The following RDH13 variants were observed in gnomAD, a reference collection of about 807,000 sequenced individuals.
RDH13 encodes retinol dehydrogenase 13, also known as retinol dehydrogenase 13 (all-trans and 9-cis).
In RDH13, 35 loss-of-function variants were observed where a neutral mutation model predicts 28.3. That is an observed-to-expected ratio of 1.24 (90% CI 0.95 to 1.64). The LOEUF (loss-of-function observed/expected upper bound fraction) is 1.64. RDH13 is among the 40% of genes most tolerant of loss of function. The pLI, the probability that RDH13 is intolerant of heterozygous loss-of-function variation, is 0.00. For missense variants in RDH13, 514 were observed against 446.3 expected, an observed-to-expected ratio of 1.15 and a Z score of -1.37; for synonymous variants, 229 against 198.5, an observed-to-expected ratio of 1.15 and a Z score of -1.29.
chr19:55,042,485 T>G (rs540676873), downstream of RDH13: 10 of 152,246 alleles, frequency 6.6e-5, no homozygotes, highest in East Asian at 1.7e-3. Context: ...TTACCACAAT[T>G]TAAAAAAGGA....
downstream of RDH13, chr19:55,042,155 AAAAAAGG>A (rs1283541530): frequency 6.6e-6 from 1 of 151,778 alleles, no homozygotes; most frequent in Admixed American, 6.6e-5. Flanking sequence ...AAAAAAAAAA[AAAAAAGG>A]AAAGCTGGCT....
At chr19:55,053,471 C>T (rs1433367536) in intron 3 of RDH13, among the ~76,000 whole-genome samples, 2 of 151,582 alleles carry the variant, frequency 1.3e-5, no homozygotes, top group Admixed American at 6.6e-5. Context: ...CTGGCTAACA[C>T]GGTGAAACCC....
At chr19:55,049,680 T>G (rs1297308711) in intron 3 of RDH13, among the ~76,000 whole-genome samples, 3 of 151,238 alleles carry the variant, frequency 2.0e-5, no homozygotes, top group African/African-American at 4.9e-5. Flanking sequence ...TCCCAGCTAC[T>G]CAGGAGGCTG....
chr19:55,068,002 A>T (rs1380671981), upstream of RDH13, among the ~76,000 whole-genome samples: 1 of 123,988 alleles, frequency 8.1e-6, no homozygotes, highest in Admixed American at 9.3e-5. Context: ...TATCTCTCTC[A>T]TTGCTCTCTC....
intron 5 of RDH13, chr19:55,048,073 T>G (rs1322089318): frequency 3.4e-6 from 5 of 1,489,592 alleles, no homozygotes; most frequent in Non-Finnish European, 4.5e-6. Flanking sequence ...CTGAGCTGCC[T>G]GCCCAACAGC....
In RDH13 at chr19:55,060,726, CAG is replaced by C. The variant is rs543075323; in HGVS notation, c.66-1453_66-1452del. ...GTGCACACCTGTAATCTCAGCTACTCAGGGGGCTGAGGCACGAGAATTGCTTG... is the reference window on the plus strand; with the variant it reads ...GTGCACACCTGTAATCTCAGCTACTCGGGGCTGAGGCACGAGAATTGCTTG... On this transcript the variant is annotated intron_variant, in intron 1 of 6. Coordinates refer to ENST00000415061, the MANE Select transcript of RDH13 (RefSeq NM_001145971.2). Among the ~76,000 whole-genome samples the C allele has an allele frequency of 7.4e-4, 112 of 152,240 alleles. No individual in the cohort carries two copies. In the South Asian group the frequency reaches 0.023, roughly 31 times the overall value.
intron 3 of RDH13, among the ~76,000 whole-genome samples, chr19:55,055,037 T>C (rs552514395): frequency 6.6e-6 from 1 of 152,222 alleles, no homozygotes; most frequent in African/African-American, 2.4e-5. Context: ...AGCTAGAGGA[T>C]GGTCCCAGTT....
chr19:55,058,577 C>G (rs1435530277), intron 2 of RDH13, among the ~76,000 whole-genome samples: 2 of 152,114 alleles, frequency 1.3e-5, no homozygotes, highest in African/African-American at 4.8e-5. Context: ...CTGTAGGTAG[C>G]TCCTGTAAGT....
chr19:55,053,763 G>A (rs538730410), intron 3 of RDH13: 1 of 152,262 alleles, frequency 6.6e-6, no homozygotes, highest in Admixed American at 6.5e-5. Context: ...CTGCCCAGGT[G>A]TGTCCAGCCG....
intron 1 of RDH13, among the ~76,000 whole-genome samples, chr19:55,061,111 CCTTT>C (rs2075795534): frequency 6.6e-6 from 1 of 151,690 alleles, no homozygotes; most frequent in African/African-American, 2.4e-5. Flanking sequence ...TGGAACCTCT[CCTTT>C]ATTTATTTAT....
intron 3 of RDH13, among the ~76,000 whole-genome samples, chr19:55,055,742 AC>A (rs1244069975): frequency 6.6e-6 from 1 of 152,040 alleles, no homozygotes; most frequent in Non-Finnish European, 1.5e-5. Flanking sequence ...ACTCCCAGCT[AC>A]TTGGGAGGCT....
At chr19:55,051,435 T>C (rs1244899162) in intron 3 of RDH13, among the ~76,000 whole-genome samples, 2 of 151,986 alleles carry the variant, frequency 1.3e-5, no homozygotes, top group Non-Finnish European at 2.9e-5. Flanking sequence ...TTTTTCTTTT[T>C]TTTTTTGAGA....
intron 2 of RDH13, among the ~76,000 whole-genome samples, chr19:55,058,079 T>G (rs1051604865): frequency 6.6e-6 from 1 of 152,030 alleles, no homozygotes; most frequent in African/African-American, 2.4e-5. Context: ...ACCCGCCCTC[T>G]TAGCCATTTT....
At chr19:55,043,454 C>T (rs1044827232), downstream of RDH13, among the ~76,000 whole-genome samples, 7 of 152,010 alleles carry the variant, frequency 4.6e-5, no homozygotes, top group South Asian at 2.1e-4. Flanking sequence ...GAGGCCAAGA[C>T]GGGTGGATCA....
chr19:55,053,542 C>G (rs370450134), intron 3 of RDH13, among the ~76,000 whole-genome samples: 1 of 151,776 alleles, frequency 6.6e-6, no homozygotes, highest in Admixed American at 6.6e-5. Context: ...TGTAGTCCCC[C>G]GCCACTCGGG....
At chr19:55,043,566 G>C (rs1162860384), downstream of RDH13, among the ~76,000 whole-genome samples, 1 of 151,888 alleles carries the variant, frequency 6.6e-6, no homozygotes, top group South Asian at 2.1e-4. Flanking sequence ...TACTCGGGAG[G>C]CTGAGGCATG....
At chr19:55,050,202 T>C (rs775824) in intron 3 of RDH13, among the ~76,000 whole-genome samples, 123,859 of 151,096 alleles carry the variant, frequency 0.82, 51,139 homozygotes, top group East Asian at 0.97. Flanking sequence ...CTGCAACCTC[T>C]GCCTCCCAGG....
chr19:55,045,117 C>T lies in RDH13; in HGVS notation c.953G>A (p.Gly318Asp). The change falls in exon 7 of 7, where the codon GGC (glycine) becomes GAC (aspartate). Residue 318 changes from glycine (G) to aspartate (D), a missense_variant. Coordinates refer to ENST00000415061, the MANE Select transcript of RDH13 (RefSeq NM_001145971.2). ...CTCCCTCACAGAGGGAGCCTCTAAGCCCACCAGGCGGGCACTTTCAGCCCA... is the reference window on the plus strand; with the variant it reads ...CTCCCTCACAGAGGGAGCCTCTAAGTCCACCAGGCGGGCACTTTCAGCCCA... ...RLWAESARLV[G>D]LEAPSVREQP... The T allele has an allele frequency of 1.2e-6, 2 of 1,613,178 alleles. No homozygotes were observed. The highest frequency in any genetic ancestry group is 1.7e-6 in the Non-Finnish European group (2 of 1,179,848).
intron 1 of RDH13, among the ~76,000 whole-genome samples, chr19:55,062,706 A>G (rs2075843674): frequency 6.6e-6 from 1 of 151,920 alleles, no homozygotes; most frequent in African/African-American, 2.4e-5. Context: ...AATAAATAAT[A>G]CAAAACAACA....
Sources: allele counts gnomAD v4.1 joint callset (sites outside exome capture counted in the v4.1 genomes callset), GRCh38; gene constraint gnomAD v4.1.1; transcripts MANE v1.5; gene names NCBI Gene and HGNC (gene_info 2026-07-23, HGNC 2026-07-21).